The following USP48 variants were observed in gnomAD, a reference collection of about 807,000 sequenced individuals.
USP48 encodes the protein ubiquitin carboxyl-terminal hydrolase 48.
Under a neutral mutation model 150.7 loss-of-function variants are expected in USP48, and 43 were observed. The observed-to-expected ratio is 0.29, with a 90% confidence interval of 0.22 to 0.37. The LOEUF is 0.37. Ranked by LOEUF, USP48 falls within the 10% of genes least tolerant of loss-of-function variation. USP48 has a pLI of 1.00. For synonymous variants in USP48, 396 were observed against 425.9 expected, an observed-to-expected ratio of 0.93 and a Z score of 0.86; for missense variants, 813 against 1,249.6, an observed-to-expected ratio of 0.65 and a Z score of 5.27.
chr1:21,701,276 G>A (rs562243169), intron 22 of USP48, among the ~76,000 whole-genome samples: 1 of 146,648 alleles, frequency 6.8e-6, no homozygotes, highest in South Asian at 2.2e-4. Flanking sequence ...TGGGGCAGGA[G>A]AATCATTTAA....
At chr1:21,693,090 C>T (rs190019303) in intron 23 of USP48, among the ~76,000 whole-genome samples, 1 of 152,160 alleles carries the variant, frequency 6.6e-6, no homozygotes, top group Admixed American at 6.5e-5. Context: ...GAAGCGATCG[C>T]CTCAGCTGCC....
At chr1:21,747,990 G>A (rs747131117) in intron 7 of USP48, 148 bp downstream of exon 7, 6 of 813,878 alleles carry the variant, frequency 7.4e-6, no homozygotes, top group Non-Finnish European at 8.5e-6. Context: ...ATGAAATATC[G>A]ACATTTCAAA....
chr1:21,727,269 A>G (rs2097740848), intron 11 of USP48, among the ~76,000 whole-genome samples: 2 of 152,222 alleles, frequency 1.3e-5, no homozygotes, highest in South Asian at 4.1e-4. Flanking sequence ...TACAGCGTGG[A>G]CTGTCTACAA....
chr1:21,718,042 A>C (rs1383456737), intron 14 of USP48, among the ~76,000 whole-genome samples: 1 of 152,268 alleles, frequency 6.6e-6, no homozygotes, highest in Admixed American at 6.5e-5. Flanking sequence ...AAGAAAATTT[A>C]CCAATATGTG....
In USP48 at chr1:21,721,082, A is replaced by T; in HGVS notation, c.1848T>A (p.Asp616Glu). 1 of 1,614,252 alleles carries T rather than the reference A, an allele frequency of 6.2e-7. No homozygotes were observed. The highest frequency in any genetic ancestry group is 1.1e-5 in the South Asian group (1 of 91,090). ...ALEQLDEQDG[D>E]AEQSNGKMNG... The stretch of plus-strand genomic sequence containing the variant: ...TCATCTTTCCGTTGCTTTGTTCTGC[A>T]TCACCATCTTGCTCATCCAGCTGTT... The change falls in exon 14 of 27, where the codon GAT (aspartate) becomes GAA (glutamate). Residue 616 changes from aspartate to glutamate, a missense_variant. By Grantham distance (45) the Asp-to-Glu change is conservative. Transcript: ENST00000308271.
chr1:21,751,289 CTT>C (rs1360215585), intron 6 of USP48, among the ~76,000 whole-genome samples: 6 of 152,292 alleles, frequency 3.9e-5, no homozygotes, highest in African/African-American at 1.4e-4. Context: ...ACATACATAA[CTT>C]TACATATAAA....
At chr1:21,770,088 T>C (rs1174739652) in intron 1 of USP48, among the ~76,000 whole-genome samples, 1 of 151,448 alleles carries the variant, frequency 6.6e-6, no homozygotes, top group African/African-American at 2.4e-5. Flanking sequence ...TTTGGGAGGC[T>C]GAGGTGGGCA....
chr1:21,721,640 T>C lies in USP48; in HGVS notation c.1763+10A>G, dbSNP rs778223712. ...AGTTTATCATTAACAATGTACACTG[T>C]GCAACATACCCCTTTACTGCTGCTT... is the stretch of plus-strand genomic sequence containing the variant. On this transcript the variant is annotated intron_variant, in intron 13 of 26. Coordinates refer to ENST00000308271, the MANE Select transcript of USP48 (RefSeq NM_032236.8). 1 of 1,535,190 alleles carries C rather than the reference T, an allele frequency of 6.5e-7. No homozygotes were observed. Among genetic ancestry groups the C allele is most frequent in the South Asian group, 1.2e-5 (1 of 85,132 alleles).
At chr1:21,727,442 T>C (rs1467379370) in intron 11 of USP48, among the ~76,000 whole-genome samples, 1 of 152,212 alleles carries the variant, frequency 6.6e-6, no homozygotes, top group Non-Finnish European at 1.5e-5. Context: ...ACTTGACACA[T>C]AACATCTTTG....
At chr1:21,704,717 G>A (rs1428907013) in intron 19 of USP48, 2 of 190,400 alleles carry the variant, frequency 1.1e-5, no homozygotes. Flanking sequence ...GACATTATGT[G>A]CGTGCATTTT....
chr1:21,708,445 C>T (rs1197882342), intron 15 of USP48, among the ~76,000 whole-genome samples: 2 of 152,048 alleles, frequency 1.3e-5, no homozygotes, highest in African/African-American at 4.8e-5. Flanking sequence ...TTGCAGTGAG[C>T]CAAGATTGTG....
chr1:21,718,574 T>TC (rs1314861434), intron 14 of USP48, among the ~76,000 whole-genome samples: 1 of 151,842 alleles, frequency 6.6e-6, no homozygotes, highest in Non-Finnish European at 1.5e-5. Context: ...CTTTTTTTTT[T>TC]TTGAGACGGT....
chr1:21,716,152 A>AT (rs138801247), intron 14 of USP48, among the ~76,000 whole-genome samples: 3,578 of 152,000 alleles, frequency 0.024, 145 homozygotes, highest in African/African-American at 0.08. Flanking sequence ...TCAGCATATG[A>AT]TTTTTTTTCT....
chr1:21,692,375 T>C (rs17423479), intron 23 of USP48, among the ~76,000 whole-genome samples: 168 of 152,206 alleles, frequency 1.1e-3, no homozygotes, highest in Non-Finnish European at 1.6e-3. Context: ...ACCATGAAGA[T>C]TGAGCAGAGC....
At chr1:21,686,052 G>GCT (rs1442193651) in intron 25 of USP48, 2 of 152,218 alleles carry the variant, frequency 1.3e-5, no homozygotes, top group Non-Finnish European at 2.9e-5. Context: ...AGGAGTGGTG[G>GCT]CTGCAGTGAG....
intron 1 of USP48, among the ~76,000 whole-genome samples, chr1:21,766,882 T>C (rs767963496): frequency 6.6e-6 from 1 of 151,986 alleles, no homozygotes. Context: ...CTGGCCAACA[T>C]GGCAAAACCC....
intron 1 of USP48, among the ~76,000 whole-genome samples, chr1:21,775,251 T>G (rs1339724964): frequency 6.6e-6 from 1 of 151,162 alleles, no homozygotes; most frequent in African/African-American, 2.4e-5. Context: ...CTCGTTAGGG[T>G]TATTTTGTTT....
chr1:21,745,279 ATATTTATT>A (rs931514555), intron 8 of USP48, among the ~76,000 whole-genome samples: 1 of 152,116 alleles, frequency 6.6e-6, no homozygotes, highest in Admixed American at 6.6e-5. Flanking sequence ...TGAGTAGATA[ATATTTATT>A]TATTTATTTA....
chr1:21,776,426 C>T (rs1398671746), intron 1 of USP48, among the ~76,000 whole-genome samples: 1 of 151,534 alleles, frequency 6.6e-6, no homozygotes, highest in Admixed American at 6.6e-5. Context: ...TCTCTTCTTG[C>T]AAAGAGAAGA....
Sources: allele counts gnomAD v4.1 joint callset (sites outside exome capture counted in the v4.1 genomes callset), GRCh38; gene constraint gnomAD v4.1.1; transcripts MANE v1.5; gene names NCBI Gene and HGNC (gene_info 2026-07-23, HGNC 2026-07-21).